Variants in DLX5 observed in about 807,000 individuals in gnomAD.
The protein encoded by DLX5 is homeobox protein DLX-5.
DLX5 carries 8 observed loss-of-function variants against 27.1 expected under a neutral mutation model. That is an observed-to-expected ratio of 0.30 (90% CI 0.17 to 0.53). The LOEUF (loss-of-function observed/expected upper bound fraction) is 0.53. Ranked by LOEUF, DLX5 falls within the 20% of genes least tolerant of loss-of-function variation. DLX5 has a pLI of 0.95. For missense variants in DLX5, 339 were observed against 375.1 expected (o/e 0.90, Z 0.80); for synonymous variants, 178 against 161.9 (o/e 1.10, Z -0.75).
At chr7:97,023,550 T>G (rs1160380321) in intron 1 of DLX5, among the ~76,000 whole-genome samples, 1 of 151,858 alleles carries the variant, frequency 6.6e-6, no homozygotes, top group Non-Finnish European at 1.5e-5. Context: ...TCACTAACCC[T>G]CTTAAACTCT....
chr7:97,022,865 A>G (rs1288180337), intron 1 of DLX5, among the ~76,000 whole-genome samples: 1 of 152,160 alleles, frequency 6.6e-6, no homozygotes, highest in Non-Finnish European at 1.5e-5. Context: ...TCCAAAGTTC[A>G]AAGACCCACA....
At chr7:97,021,301 C>T (rs1338637234) in intron 2 of DLX5, among the ~76,000 whole-genome samples, 2 of 152,300 alleles carry the variant, frequency 1.3e-5, no homozygotes, top group South Asian at 2.1e-4. Flanking sequence ...GCCACGACCC[C>T]AAGGCTTGTC....
Position 97,020,835 on chromosome 7 carries a change from T to A in DLX5, c.771A>T (p.Ala257=). 6.2e-7 allele frequency: 1 copy of A among 1,614,014 alleles called. No individual in the cohort carries two copies. Among genetic ancestry groups the A allele is most frequent in the East Asian group, 2.2e-5 (1 of 44,846 alleles). ...AGCTGGCTGCACTTGTGTACCAGGA[T>A]GCAGAGTTCTCCAGGTAGCTGGACG... ...SPASSYLENS[A]SWYTSAASSI... is the part of the protein sequence containing the mutation. Residue 257 remains alanine (A), a synonymous_variant, in exon 3 of 3, where the codon GCA becomes GCT. Transcript: ENST00000648378.
intron 1 of DLX5, 110 bp from the exon 2 acceptor site, chr7:97,022,479 T>C (rs968910488): frequency 1.6e-5 from 25 of 1,535,406 alleles, no homozygotes; most frequent in African/African-American, 5.5e-5. Flanking sequence ...CTTCATTCTT[T>C]GCCCATATCA....
intron 1 of DLX5, among the ~76,000 whole-genome samples, chr7:97,023,348 G>A (rs1234854392): frequency 6.7e-6 from 1 of 150,110 alleles, no homozygotes; most frequent in East Asian, 2.0e-4. Context: ...GTGTGTGTGT[G>A]TGTGTGTGTG....
In DLX5 at chr7:97,024,597, G is replaced by A. The variant is rs757335910; in HGVS notation, c.27C>T (p.Val9=). 3.1e-6 allele frequency: 5 copies of A among 1,603,100 alleles called. No homozygotes were observed. Among genetic ancestry groups the A allele is most frequent in the Non-Finnish European group, 4.3e-6 (5 of 1,171,962 alleles). MTGVFDRR[V]PSIRSGDFQA... ...GGAAGTCGCCGGATCGGATGCTGGG[G>A]ACCCTTCTGTCAAACACTCCTGTCA... is the stretch of plus-strand genomic sequence containing the variant. Residue 9 remains valine (V), a synonymous_variant, in exon 1 of 3, where the codon GTC becomes GTT. Transcript: ENST00000648378. The surrounding 1 kb of genome is among the most constrained non-coding windows in gnomAD (Gnocchi z 4.6).
At chr7:97,021,210 A>T in intron 2 of DLX5, 145 bp from the exon 3 acceptor site, 1 of 817,116 alleles carries the variant, frequency 1.2e-6, no homozygotes, top group Non-Finnish European at 1.9e-6. Flanking sequence ...CCTACCGCCA[A>T]GAAGCTATGC....
intron 2 of DLX5, 99 bp downstream of exon 2, chr7:97,022,086 G>C: frequency 7.1e-7 from 1 of 1,413,150 alleles, no homozygotes; most frequent in Non-Finnish European, 9.9e-7. Context: ...TTTCTCACGG[G>C]TACTGTCAAA....
Position 97,024,249 on chromosome 7 carries a change from C to A in DLX5, c.355+20G>T. On this transcript the variant is annotated intron_variant, in intron 1 of 2. Transcript: ENST00000648378. This position sits in a 1 kb window ranked among gnomAD's most constrained non-coding sequence, Gnocchi z 4.6. ...TCCTAGTCGCCCTGTATCTGCCCAGCCTTCCCCCTGTCCATGTACCTGGCT... is the reference window on the plus strand; with the variant it reads ...TCCTAGTCGCCCTGTATCTGCCCAGACTTCCCCCTGTCCATGTACCTGGCT... The A allele has an allele frequency of 6.2e-7, 1 of 1,604,674 alleles. No homozygotes were observed.
At chr7:97,021,964 G>A in intron 2 of DLX5, 1 of 621,242 alleles carries the variant, frequency 1.6e-6, no homozygotes, top group Non-Finnish European at 2.8e-6. Flanking sequence ...TGGGGGCGGG[G>A]GGCGCGGTTA....
rs566477608 is a variant in DLX5, at chr7:97,024,612, C to T, written c.12G>A (p.Val4=). ...GGATGCTGGGGACCCTTCTGTCAAA[C>T]ACTCCTGTCATCGCTCACGGGCGGC... MTG[V]FDRRVPSIRS... Residue 4 remains valine (V), a synonymous_variant, in exon 1 of 3, where the codon GTG becomes GTA. Transcript: ENST00000648378. This position sits in a 1 kb window ranked among gnomAD's most constrained non-coding sequence, Gnocchi z 4.6. 8.9e-5 allele frequency: 142 copies of T among 1,593,174 alleles called. 1 individual carries two copies. The highest frequency in any genetic ancestry group is 6.3e-4 in the Admixed American group (37 of 58,442).
At chr7:97,023,329 C>T (rs1790115602) in intron 1 of DLX5, among the ~76,000 whole-genome samples, 1 of 131,646 alleles carries the variant, frequency 7.6e-6, no homozygotes, top group African/African-American at 3.0e-5. Context: ...GACGGAGAAC[C>T]TCTCCAGGGT....
intron 1 of DLX5, among the ~76,000 whole-genome samples, chr7:97,023,766 C>T (rs1282045791): frequency 6.6e-6 from 1 of 150,606 alleles, no homozygotes; most frequent in African/African-American, 2.5e-5. Context: ...CTCCTTAACC[C>T]CCCCACCCCC....
At chr7:97,022,509 G>A (rs1790091820) in intron 1 of DLX5, 140 bp from the exon 2 acceptor site, 4 of 1,484,364 alleles carry the variant, frequency 2.7e-6, no homozygotes, top group African/African-American at 2.8e-5. Context: ...TTGCTTTTCA[G>A]GACCGCGATA....
chr7:97,022,593 T>C lies in DLX5; in HGVS notation c.356-224A>G, dbSNP rs138911344. ...TTCCTACTCTGTTCATTCAGATAGTTTGTGCAAAGCGCTTCCTACAACACT... is the reference window on the plus strand; with the variant it reads ...TTCCTACTCTGTTCATTCAGATAGTCTGTGCAAAGCGCTTCCTACAACACT... On this transcript the variant is annotated intron_variant, in intron 1 of 2. Transcript: ENST00000648378. The C allele has an allele frequency of 3.0e-6, 3 of 985,450 alleles. No homozygotes were observed. In the East Asian group the frequency reaches 3.4e-4, roughly 112 times the overall value. 61.0% of individuals were successfully genotyped at this position (985,450 alleles called of 1,614,324 possible).
chr7:97,022,952 A>G lies in DLX5; in HGVS notation c.356-583T>C, dbSNP rs922433676. ...GAGGGTCGATTATGCAACCCCCATA[A>G]TCTCGCTGCAGATCTGCGAGGGCAC... On this transcript the variant is annotated intron_variant, in intron 1 of 2. Transcript: ENST00000648378. 4.7e-5 allele frequency among the ~76,000 whole-genome samples: 7 copies of G among 149,770 alleles called. 1 individual carries two copies. Among genetic ancestry groups the G allele is most frequent in the East Asian group, 4.0e-4 (2 of 5,052 alleles).
At chr7:97,021,172 C>T in intron 2 of DLX5, 107 bp from the exon 3 acceptor site, 2 of 1,070,106 alleles carry the variant, frequency 1.9e-6, no homozygotes, top group South Asian at 3.2e-5. Context: ...CGGCCCAGCC[C>T]TGCCTGGCGT....
intron 1 of DLX5, 90 bp from the exon 2 acceptor site, chr7:97,022,459 A>C: frequency 3.8e-6 from 6 of 1,572,526 alleles, no homozygotes; most frequent in Middle Eastern, 1.7e-4. Flanking sequence ...AGAGTTTCTT[A>C]CCACTCAGTC....
At position 97,020,732 on chromosome 7, in the gene DLX5, C is replaced by T; in HGVS notation, c.*4G>A. ...AAAAAAGAGAGTAAGAGAGAGCAGC[C>T]CATCTAATAGAGTGTCCCGGAGGCC... On this transcript the variant is annotated 3_prime_UTR_variant, in exon 3 of 3. Coordinates refer to ENST00000648378, the MANE Select transcript of DLX5 (RefSeq NM_005221.6). The T allele has an allele frequency of 6.4e-7, 1 of 1,558,386 alleles. No homozygotes were observed. The highest frequency in any genetic ancestry group is 8.7e-7 in the Non-Finnish European group (1 of 1,148,878).
Sources: allele counts gnomAD v4.1 joint callset (sites outside exome capture counted in the v4.1 genomes callset), GRCh38; gene constraint gnomAD v4.1.1; non-coding constraint Gnocchi (gnomAD v3.1); transcripts MANE v1.5; gene names NCBI Gene and HGNC (gene_info 2026-07-23, HGNC 2026-07-21).